The following ARHGAP26 variants were observed in gnomAD, a reference collection of about 807,000 sequenced individuals.
ARHGAP26 encodes the protein Rho GTPase activating protein 26.
Under a neutral mutation model 104.8 loss-of-function variants are expected in ARHGAP26, and 38 were observed. The observed-to-expected ratio is 0.36, with a 90% CI of 0.28 to 0.48. ARHGAP26 has a LOEUF of 0.48. Ranked by LOEUF, ARHGAP26 falls within the 20% of genes least tolerant of loss-of-function variation. The probability of loss-of-function intolerance (pLI) is 0.99; values close to 1 mark genes in which losing one functional copy is unlikely to be tolerated. For synonymous variants in ARHGAP26, 341 were observed against 340.0 expected (o/e 1.00, Z -0.03); for missense variants, 704 against 947.9 (o/e 0.74, Z 3.38).
intron 11 of ARHGAP26, among the ~76,000 whole-genome samples, chr5:142,985,267 TA>T (rs959380483): frequency 4.0e-5 from 6 of 151,878 alleles, no homozygotes; most frequent in South Asian, 2.1e-4. Context: ...ATCAAAAAGT[TA>T]AAAAAAATTA....
rs547883703 is a variant in ARHGAP26, at chr5:142,901,230, T to C, written c.598-705T>C. ...TGAGCATTGTGGTGAACAGATGTTT[T>C]TACCATTCACTAAAGACAAGACTAA... On this transcript the variant is annotated intron_variant, in intron 6 of 22. Coordinates refer to ENST00000645722, the MANE Select transcript of ARHGAP26 (RefSeq NM_001135608.3). Among the ~76,000 whole-genome samples the C allele has an allele frequency of 1.3e-4, 20 of 152,320 alleles. No individual in the cohort carries two copies. In the South Asian group the frequency reaches 2.3e-3, roughly 17 times the overall value.
At chr5:143,013,168 TA>T (rs35677404) in intron 11 of ARHGAP26, among the ~76,000 whole-genome samples, 1 of 152,008 alleles carries the variant, frequency 6.6e-6, no homozygotes, top group Non-Finnish European at 1.5e-5. Context: ...CAACCTCTCT[TA>T]AAAAAAACTT....
chr5:143,007,298 A>C (rs1019652141), intron 11 of ARHGAP26, among the ~76,000 whole-genome samples: 5 of 151,898 alleles, frequency 3.3e-5, no homozygotes, highest in Non-Finnish European at 7.4e-5. Flanking sequence ...GTCTTTGGCA[A>C]CCCTGGCCAG....
At chr5:142,972,010 C>A (rs1423705284) in intron 11 of ARHGAP26, among the ~76,000 whole-genome samples, 2 of 152,006 alleles carry the variant, frequency 1.3e-5, no homozygotes, top group African/African-American at 4.8e-5. Context: ...GGTGAAACTC[C>A]TTCTCTACTA....
chr5:143,056,689 C>T (rs1488002413), intron 16 of ARHGAP26, among the ~76,000 whole-genome samples: 1 of 152,124 alleles, frequency 6.6e-6, no homozygotes, highest in East Asian at 1.9e-4. Context: ...TGGGTCAGGC[C>T]TCTTGTAAAG....
At chr5:142,862,841 T>A (rs1366688944) in intron 1 of ARHGAP26, among the ~76,000 whole-genome samples, 1 of 152,238 alleles carries the variant, frequency 6.6e-6, no homozygotes, top group East Asian at 1.9e-4. Context: ...ACCCTCTTAA[T>A]CTAATTGAGC....
At chr5:142,831,203 G>A (rs967277589) in intron 1 of ARHGAP26, among the ~76,000 whole-genome samples, 4 of 152,118 alleles carry the variant, frequency 2.6e-5, no homozygotes, top group Non-Finnish European at 5.9e-5. Context: ...TGATCACGAT[G>A]GAGCCAGATC....
intron 5 of ARHGAP26, among the ~76,000 whole-genome samples, chr5:142,890,944 G>GTATCAGTCACCTCGAAC (rs1562025865): frequency 3.0e-4 from 45 of 151,768 alleles, no homozygotes; most frequent in African/African-American, 1.0e-3. Flanking sequence ...TCCTTATAGG[G>GTATCAGTCACCTCGAAC]ATTTCCTTCT....
chr5:143,099,837 A>G lies in ARHGAP26; in HGVS notation c.1539-21151A>G, dbSNP rs547192376. 2.6e-5 allele frequency among the ~76,000 whole-genome samples: 4 copies of G among 152,362 alleles called. No individual in the cohort carries two copies. The East Asian group carries it at 5.8e-4, about 22-fold the overall frequency. ...ATTCCATTGAGACCATAAAATAGTT[A>G]TGTTTCAAAAATAAAAACAATAATA... On this transcript the variant is annotated intron_variant, in intron 17 of 22. Coordinates refer to ENST00000645722, the MANE Select transcript of ARHGAP26 (RefSeq NM_001135608.3).
chr5:143,025,169 C>T lies in ARHGAP26; in HGVS notation c.1144+11053C>T, dbSNP rs77283673. Among the ~76,000 whole-genome samples the T allele has an allele frequency of 7.4e-3, 1,130 of 152,220 alleles. 23 individuals carry two copies. The highest frequency in any genetic ancestry group is 0.025 in the African/African-American group (1,052 of 41,522). ...CTGTACAGTCTCTTTAAAGTTCCTC[C>T]GGGCATTGCCTTATTTGATTTTCAC... On this transcript the variant is annotated intron_variant, in intron 12 of 22. Coordinates refer to ENST00000645722, the MANE Select transcript of ARHGAP26 (RefSeq NM_001135608.3).
chr5:142,806,473 A>ATGTGTGTGTGTG (rs34179083), intron 1 of ARHGAP26, among the ~76,000 whole-genome samples: 5 of 147,670 alleles, frequency 3.4e-5, no homozygotes, highest in African/African-American at 7.4e-5. Flanking sequence ...AGGCAATGAA[A>ATGTGTGTGTGTG]TGTGTGTGTG....
chr5:143,072,707 T>G (rs530336471), intron 17 of ARHGAP26, among the ~76,000 whole-genome samples: 1 of 152,086 alleles, frequency 6.6e-6, no homozygotes, highest in South Asian at 2.1e-4. Flanking sequence ...CTCATAGAAG[T>G]AAAAAGTAGA....
At chr5:143,078,023 T>A (rs1442640815) in intron 17 of ARHGAP26, among the ~76,000 whole-genome samples, 2 of 152,180 alleles carry the variant, frequency 1.3e-5, no homozygotes, top group Non-Finnish European at 2.9e-5. Flanking sequence ...TCTACCACCA[T>A]TGAAATGAAC....
At chr5:142,936,614 A>G (rs1022448199) in intron 11 of ARHGAP26, among the ~76,000 whole-genome samples, 3 of 152,204 alleles carry the variant, frequency 2.0e-5, no homozygotes, top group Admixed American at 2.0e-4. Context: ...TGTCTACCCT[A>G]TTTTAAGACT....
chr5:142,950,723 C>T lies in ARHGAP26; in HGVS notation c.1107+18598C>T, dbSNP rs564546994. On this transcript the variant is annotated intron_variant, in intron 11 of 22. Coordinates refer to ENST00000645722, the MANE Select transcript of ARHGAP26 (RefSeq NM_001135608.3). ...TCTTAGGCTGAATTATGATGGATAC[C>T]TATTTAGATTAGAGAGGGCCCCTCC... Among the ~76,000 whole-genome samples the T allele has an allele frequency of 3.9e-4, 59 of 152,240 alleles. 1 individual carries two copies. In the South Asian group the frequency reaches 8.1e-3, roughly 21 times the overall value.
chr5:143,227,476 C>T lies in ARHGAP26; in HGVS notation c.*5030C>T, dbSNP rs535816558. ...GCTCAAATGTGTTTGGCAGCCACAC[C>T]GATCGGCTGGGTGCTGAACCGCCTC... On this transcript the variant is annotated 3_prime_UTR_variant, in exon 23 of 23. Coordinates refer to ENST00000645722, the MANE Select transcript of ARHGAP26 (RefSeq NM_001135608.3). 8 of 231,190 alleles carry T rather than the reference C, an allele frequency of 3.5e-5. No individual in the cohort carries two copies. The East Asian group carries it at 4.3e-4, about 12-fold the overall frequency. 14.3% of individuals were successfully genotyped at this position (231,190 alleles called of 1,614,324 possible).
intron 14 of ARHGAP26, among the ~76,000 whole-genome samples, chr5:143,050,162 C>A (rs533829671): frequency 1.3e-5 from 2 of 152,202 alleles, no homozygotes. Flanking sequence ...GGATTTTCCT[C>A]AGGCCTTCAT....
chr5:143,057,679 C>T lies in ARHGAP26; in HGVS notation c.1470C>T (p.His490=), dbSNP rs370113595. The T allele has an allele frequency of 3.1e-6, 5 of 1,613,894 alleles. No homozygotes were observed. Among genetic ancestry groups the T allele is most frequent in the Middle Eastern group, 1.6e-4 (1 of 6,084 alleles). ...AGGAGTCTCGGGTCTCTGAAATCCA[C>T]AGCCTTGTTCATCGGCTCCCAGAGA... ...ENQESRVSEI[H]SLVHRLPEKN... is the part of the protein sequence containing the mutation. The change falls in exon 17 of 23, where the codon CAC becomes CAT. Residue 490 remains histidine, a synonymous_variant. Transcript: ENST00000645722.
intron 20 of ARHGAP26, among the ~76,000 whole-genome samples, chr5:143,176,048 A>C (rs1046643580): frequency 9.2e-5 from 14 of 152,170 alleles, no homozygotes; most frequent in African/African-American, 3.4e-4. Flanking sequence ...CAGGAGGTGG[A>C]GGTTTCAGTG....
Sources: gnomAD v4.1 joint callset for allele counts (sites outside exome capture counted in the v4.1 genomes callset) on GRCh38, gnomAD v4.1.1 for gene constraint, MANE v1.5 for transcripts, NCBI Gene and HGNC (gene_info 2026-07-23, HGNC 2026-07-21) for gene names.